CAMK4: variants seen among roughly 807,000 people sequenced by gnomAD.
CAMK4 encodes the protein calcium/calmodulin-dependent protein kinase type IV.
In CAMK4, 22 loss-of-function variants were observed where a neutral mutation model predicts 44.9. The ratio of observed to expected loss-of-function variants is 0.49; its 90% confidence interval spans 0.35 to 0.70. CAMK4 has a LOEUF of 0.70. Ranked by LOEUF, CAMK4 falls within the 30% of genes least tolerant of loss-of-function variation. CAMK4 has a pLI of 0.01. For synonymous variants in CAMK4, 218 were observed against 215.4 expected (o/e 1.01, Z -0.11); for missense variants, 498 against 586.8 (o/e 0.85, Z 1.56).
At position 111,224,957 on chromosome 5, in the gene CAMK4, T is replaced by G. The variant is rs937302859; in HGVS notation, c.161+313T>G. 2.0e-5 allele frequency among the ~76,000 whole-genome samples: 3 copies of G among 151,776 alleles called. No homozygotes were observed. The highest frequency in any genetic ancestry group is 7.3e-5 in the African/African-American group (3 of 41,364). On this transcript the variant is annotated intron_variant, in intron 1 of 10. Coordinates refer to ENST00000282356, the MANE Select transcript of CAMK4 (RefSeq NM_001744.6). This position sits in a 1 kb window ranked among gnomAD's most constrained non-coding sequence, Gnocchi z 5.7. ...GGGCCCTGCTTTCCCAATTGATATC[T>G]TTGCTCACGATTATAGCTTGCCAGA...
At chr5:111,308,197 A>T (rs893780167) in intron 1 of CAMK4, among the ~76,000 whole-genome samples, 1 of 144,636 alleles carries the variant, frequency 6.9e-6, no homozygotes, top group Non-Finnish European at 1.5e-5. Context: ...ACATGTATAC[A>T]TATGTAACTA....
chr5:111,383,622 A>ATTTT (rs10671641), intron 4 of CAMK4, among the ~76,000 whole-genome samples: 3 of 141,968 alleles, frequency 2.1e-5, no homozygotes, highest in Non-Finnish European at 4.6e-5. Context: ...AGGGGAGATA[A>ATTTT]TTTTTTTTTT....
chr5:111,267,643 G>T (rs944292116), intron 1 of CAMK4, among the ~76,000 whole-genome samples: 3 of 145,428 alleles, frequency 2.1e-5, no homozygotes, highest in Non-Finnish European at 3.0e-5. Context: ...GGCGGAGCTT[G>T]CAGTGAGCGG....
intron 1 of CAMK4, among the ~76,000 whole-genome samples, chr5:111,331,762 A>G (rs1323938317): frequency 1.3e-5 from 2 of 151,708 alleles, no homozygotes; most frequent in East Asian, 3.9e-4. Context: ...ATAATCGATT[A>G]ATCCTACTCA....
chr5:111,234,360 C>A (rs928125441), intron 1 of CAMK4, among the ~76,000 whole-genome samples: 1 of 151,846 alleles, frequency 6.6e-6, no homozygotes, highest in African/African-American at 2.4e-5. Flanking sequence ...GCCATTGTAA[C>A]CAAAACAGTC....
chr5:111,228,393 G>T (rs1052618491), intron 1 of CAMK4, among the ~76,000 whole-genome samples: 15 of 151,802 alleles, frequency 9.9e-5, no homozygotes, highest in African/African-American at 3.6e-4. Flanking sequence ...ACACAATTAT[G>T]TGTATACATT....
At chr5:111,445,182 A>G (rs927230432) in intron 5 of CAMK4, among the ~76,000 whole-genome samples, 1 of 152,342 alleles carries the variant, frequency 6.6e-6, no homozygotes, top group African/African-American at 2.4e-5. Flanking sequence ...CTTTTTAAAA[A>G]TTGAAAACAA....
In CAMK4 at chr5:111,251,056, G is replaced by T. The variant is rs1580480316; in HGVS notation, c.161+26412G>T. Among the ~76,000 whole-genome samples, 3 of 152,222 alleles carry T rather than the reference G, an allele frequency of 2.0e-5. No homozygotes were observed. In the South Asian group the frequency reaches 6.2e-4, roughly 32 times the overall value. On this transcript the variant is annotated intron_variant, in intron 1 of 10. Coordinates refer to ENST00000282356, the MANE Select transcript of CAMK4 (RefSeq NM_001744.6). The stretch of plus-strand genomic sequence containing the variant: ...CCTTGGACATTCTTTGCTATGGCTT[G>T]CTATGCTTAAATAAAACTGGCTTCA...
At chr5:111,385,812 T>C (rs1580684045) in intron 4 of CAMK4, among the ~76,000 whole-genome samples, 1 of 152,250 alleles carries the variant, frequency 6.6e-6, no homozygotes, top group Non-Finnish European at 1.5e-5. Context: ...CCTGACCTCA[T>C]GATCCACCTA....
At chr5:111,310,131 T>C (rs1305891905) in intron 1 of CAMK4, among the ~76,000 whole-genome samples, 1 of 151,804 alleles carries the variant, frequency 6.6e-6, no homozygotes, top group Admixed American at 6.6e-5. Context: ...GTTTTGGGGG[T>C]AGAGTTGACT....
intron 5 of CAMK4, among the ~76,000 whole-genome samples, chr5:111,404,070 G>A (rs1310262053): frequency 6.6e-6 from 1 of 152,100 alleles, no homozygotes; most frequent in Non-Finnish European, 1.5e-5. Context: ...CTATTAGCAG[G>A]CATTTTGAAG....
intron 2 of CAMK4, among the ~76,000 whole-genome samples, chr5:111,370,321 A>G (rs996654178): frequency 1.3e-5 from 2 of 152,180 alleles, no homozygotes; most frequent in Non-Finnish European, 2.9e-5. Context: ...AATATGTAAT[A>G]TGCCCTATAC....
At chr5:111,381,804 GA>G (rs1344767553) in intron 4 of CAMK4, among the ~76,000 whole-genome samples, 1 of 151,968 alleles carries the variant, frequency 6.6e-6, no homozygotes, top group Non-Finnish European at 1.5e-5. Flanking sequence ...CCATTGCTGA[GA>G]GCAAAAATTC....
At chr5:111,258,222 C>CT (rs200863856) in intron 1 of CAMK4, among the ~76,000 whole-genome samples, 1,774 of 152,126 alleles carry the variant, frequency 0.012, 37 homozygotes, top group African/African-American at 0.04. Flanking sequence ...GTCTGAATGT[C>CT]TTTTTTTAAC....
intron 1 of CAMK4, among the ~76,000 whole-genome samples, chr5:111,248,076 G>A (rs1749317738): frequency 6.6e-6 from 1 of 151,932 alleles, no homozygotes; most frequent in African/African-American, 2.4e-5. Context: ...ATTTTGGAGG[G>A]GCTTTACTAT....
At chr5:111,462,968 A>G (rs141732240) in intron 7 of CAMK4, among the ~76,000 whole-genome samples, 73 of 152,272 alleles carry the variant, frequency 4.8e-4, no homozygotes, top group African/African-American at 1.6e-3. Flanking sequence ...TAAGGTTTGA[A>G]TTTTTGTGTA....
chr5:111,351,535 A>G (rs1486233551), intron 2 of CAMK4, among the ~76,000 whole-genome samples: 3 of 150,954 alleles, frequency 2.0e-5, no homozygotes, highest in Admixed American at 6.6e-5. Context: ...CCTCCTTAGT[A>G]GCTGAGATTA....
chr5:111,302,175 T>C (rs550797330), intron 1 of CAMK4: 2 of 152,226 alleles, frequency 1.3e-5, no homozygotes, highest in African/African-American at 4.8e-5. Flanking sequence ...TTAAACATTT[T>C]TGGAAACTGC....
intron 1 of CAMK4, among the ~76,000 whole-genome samples, chr5:111,252,825 G>A (rs150684671): frequency 3.2e-4 from 48 of 152,316 alleles, no homozygotes; most frequent in African/African-American, 1.2e-3. Flanking sequence ...ATTAATGACA[G>A]TTTTTGGTAG....
Sources: allele counts gnomAD v4.1 joint callset (sites outside exome capture counted in the v4.1 genomes callset), GRCh38; gene constraint gnomAD v4.1.1; non-coding constraint Gnocchi (gnomAD v3.1); transcripts MANE v1.5; gene names NCBI Gene and HGNC (gene_info 2026-07-23, HGNC 2026-07-21).